The following DLGAP2 variants were observed in gnomAD, a reference collection of about 807,000 sequenced individuals.
DLGAP2 encodes disks large-associated protein 2.
In DLGAP2, 26 loss-of-function variants were observed where a neutral mutation model predicts 100.3. The observed-to-expected ratio is 0.26, with a 90% confidence interval of 0.19 to 0.36. The LOEUF is 0.36. Among genes scored for constraint, DLGAP2 ranks in the 10% least tolerant of loss-of-function variants. The probability of loss-of-function intolerance (pLI) is 1.00; values close to 1 mark genes in which losing one functional copy is unlikely to be tolerated. For missense variants in DLGAP2, 1,858 were observed against 1,453.2 expected (o/e 1.28, Z -4.53); for synonymous variants, 886 against 630.1 (o/e 1.41, Z -6.08).
At chr8:1,223,837 T>C (rs1219617466) in intron 2 of DLGAP2, among the ~76,000 whole-genome samples, 1 of 152,228 alleles carries the variant, frequency 6.6e-6, no homozygotes, top group Non-Finnish European at 1.5e-5. Flanking sequence ...ACCCATATGC[T>C]CTATATGTGT....
intron 1 of DLGAP2, among the ~76,000 whole-genome samples, chr8:853,270 G>A (rs997091585): frequency 6.6e-6 from 1 of 152,186 alleles, no homozygotes; most frequent in South Asian, 2.1e-4. Flanking sequence ...CCAGGGAAAC[G>A]AGATGGAAGC....
intron 6 of DLGAP2, among the ~76,000 whole-genome samples, chr8:1,570,293 C>G (rs1373070559): frequency 3.3e-5 from 5 of 152,252 alleles, no homozygotes; most frequent in Non-Finnish European, 5.9e-5. Context: ...CGTGAACGCC[C>G]AGCACCCCCT....
intron 2 of DLGAP2, among the ~76,000 whole-genome samples, chr8:963,442 T>C (rs1799774453): frequency 6.6e-6 from 1 of 152,216 alleles, no homozygotes; most frequent in Non-Finnish European, 1.5e-5. Context: ...ACCAGTCTTC[T>C]CTATGTATAT....
chr8:891,592 G>C (rs777187610), intron 1 of DLGAP2: 2 of 152,468 alleles, frequency 1.3e-5, no homozygotes, highest in Non-Finnish European at 2.9e-5. Flanking sequence ...CGTGAGGCCG[G>C]CCTCGAGAGC....
intron 3 of DLGAP2, chr8:1,369,621 G>A (rs1486073238): frequency 6.6e-6 from 1 of 152,082 alleles, no homozygotes; most frequent in Non-Finnish European, 1.5e-5. Context: ...ATTCCTTTAG[G>A]TGGAATGCAT....
At chr8:1,192,918 C>A (rs184035086) in intron 2 of DLGAP2, among the ~76,000 whole-genome samples, 2 of 151,830 alleles carry the variant, frequency 1.3e-5, no homozygotes, top group South Asian at 4.2e-4. Flanking sequence ...TGAGAACATG[C>A]GGTGTTTGGT....
chr8:1,331,031 G>A (rs538483824), intron 3 of DLGAP2, among the ~76,000 whole-genome samples: 51 of 152,212 alleles, frequency 3.4e-4, no homozygotes, highest in Non-Finnish European at 6.0e-4. Flanking sequence ...TGGGAGCACC[G>A]CTTCACAGGA....
intron 2 of DLGAP2, among the ~76,000 whole-genome samples, chr8:1,100,867 A>G (rs1027468149): frequency 6.6e-6 from 1 of 152,206 alleles, no homozygotes; most frequent in Non-Finnish European, 1.5e-5. Context: ...TTAAAAATCA[A>G]TTTCTTAAAG....
chr8:1,018,873 A>G (rs1055799092), intron 2 of DLGAP2: 1 of 152,184 alleles, frequency 6.6e-6, no homozygotes, highest in African/African-American at 2.4e-5. Context: ...GCTCAAATCC[A>G]GTTTGTGCAA....
At chr8:1,642,000 C>G (rs372978742) in intron 8 of DLGAP2, among the ~76,000 whole-genome samples, 3 of 28,466 alleles carry the variant, frequency 1.1e-4, no homozygotes, top group African/African-American at 1.0e-3. Flanking sequence ...TCACCCTCGA[C>G]CCCGCTGGTC....
intron 2 of DLGAP2, among the ~76,000 whole-genome samples, chr8:1,231,938 C>A (rs1798544572): frequency 6.6e-6 from 1 of 151,960 alleles, no homozygotes; most frequent in Non-Finnish European, 1.5e-5. Flanking sequence ...TGCACATGTA[C>A]CCCTGAATGT....
chr8:1,050,807 G>C (rs1802656321), intron 2 of DLGAP2, among the ~76,000 whole-genome samples: 1 of 152,200 alleles, frequency 6.6e-6, no homozygotes, highest in Non-Finnish European at 1.5e-5. Context: ...CAGGAGGTCT[G>C]TGGAGGGATG....
intron 3 of DLGAP2, among the ~76,000 whole-genome samples, chr8:1,479,150 T>A (rs1281211378): frequency 1.3e-5 from 2 of 152,204 alleles, no homozygotes; most frequent in Non-Finnish European, 2.9e-5. Flanking sequence ...AGCAGGCCAG[T>A]GTTTCTTCAG....
At chr8:973,216 C>T (rs1176364677) in intron 2 of DLGAP2, among the ~76,000 whole-genome samples, 1 of 151,860 alleles carries the variant, frequency 6.6e-6, no homozygotes, top group Admixed American at 6.6e-5. Context: ...ACCCCCACCT[C>T]CCTCCCAGAC....
rs183630461 is a variant in DLGAP2 at position 1,092,075 on chromosome 8, T to C, written c.74-166776T>C. On this transcript the variant is annotated intron_variant, in intron 2 of 14. Coordinates refer to ENST00000637795, the MANE Select transcript of DLGAP2 (RefSeq NM_001346810.2). ...CTCCAGCCGTGCAGCCTCTCCTGCG[T>C]GTCTCCTCTCCATGTTTTGGGGACT... 2.0e-5 allele frequency among the ~76,000 whole-genome samples: 3 copies of C among 152,318 alleles called. No individual in the cohort carries two copies. The East Asian group carries it at 5.8e-4, about 29-fold the overall frequency.
At chr8:1,515,054 C>G (rs1800318058) in intron 4 of DLGAP2, among the ~76,000 whole-genome samples, 1 of 151,904 alleles carries the variant, frequency 6.6e-6, no homozygotes, top group African/African-American at 2.4e-5. Flanking sequence ...TGCAGGGATA[C>G]CGATCCCTGC....
At chr8:893,223 G>C (rs1460661414) in intron 1 of DLGAP2, 1 of 152,162 alleles carries the variant, frequency 6.6e-6, no homozygotes, top group Non-Finnish European at 1.5e-5. Flanking sequence ...CATGCGATGT[G>C]GGGTCATGGG....
intron 1 of DLGAP2, among the ~76,000 whole-genome samples, chr8:828,378 C>G (rs1470234646): frequency 6.6e-6 from 1 of 152,190 alleles, no homozygotes; most frequent in East Asian, 1.9e-4. Context: ...TTCTCAGGGA[C>G]CTTCCATGCT....
At chr8:737,891 GCGCGGTGTGTCGGACC>G in intron 1 of DLGAP2, 66 bp downstream of exon 1, 4 of 369,490 alleles carry the variant, frequency 1.1e-5, no homozygotes, top group Non-Finnish European at 1.9e-5. Flanking sequence ...GGCGGGGAGG[GCGCGGTGTGTCGGACC>G]CGCGGGGACG....
Sources: allele counts gnomAD v4.1 joint callset (sites outside exome capture counted in the v4.1 genomes callset), GRCh38; gene constraint gnomAD v4.1.1; transcripts MANE v1.5; gene names NCBI Gene and HGNC (gene_info 2026-07-23, HGNC 2026-07-21).